ASAP1: variants seen among roughly 807,000 people sequenced by gnomAD.
ASAP1 encodes arf-GAP with SH3 domain, ANK repeat and PH domain-containing protein 1.
ASAP1 carries 43 observed loss-of-function variants against 145.2 expected under a neutral mutation model. The observed-to-expected ratio is 0.30, with a 90% CI of 0.23 to 0.38. ASAP1 has a LOEUF of 0.38. Among genes scored for constraint, ASAP1 ranks in the 10% least tolerant of loss-of-function variants. The pLI, the probability that ASAP1 is intolerant of heterozygous loss-of-function variation, is 1.00. For synonymous variants in ASAP1, 546 were observed against 515.5 expected (o/e 1.06, Z -0.80); for missense variants, 1,018 against 1,355.3 (o/e 0.75, Z 3.91).
At chr8:130,066,868 T>G (rs1457975273) in intron 27 of ASAP1, among the ~76,000 whole-genome samples, 2 of 152,148 alleles carry the variant, frequency 1.3e-5, no homozygotes, top group Non-Finnish European at 2.9e-5. Flanking sequence ...TCAGCCTCTA[T>G]TTGTATTAAA....
At chr8:130,250,841 T>C (rs1455526105) in intron 3 of ASAP1, among the ~76,000 whole-genome samples, 1 of 152,150 alleles carries the variant, frequency 6.6e-6, no homozygotes, top group Non-Finnish European at 1.5e-5. Flanking sequence ...TGCTGGAAAG[T>C]ATTCTGGAGA....
chr8:130,283,587 G>GAAAAAAAAAAAAAAAAAAAAAAAAAAAAA (rs71304303), intron 3 of ASAP1, among the ~76,000 whole-genome samples: 1 of 20,852 alleles, frequency 4.8e-5, no homozygotes, highest in African/African-American at 1.7e-4. Flanking sequence ...ATCACAGAAA[G>GAAAAAAAAAAAAAAAAAAAAAAAAAAAAA]AAAAAAAAAA....
intron 1 of ASAP1, among the ~76,000 whole-genome samples, chr8:130,411,630 A>T (rs1304170680): frequency 6.6e-6 from 1 of 152,162 alleles, no homozygotes; most frequent in Non-Finnish European, 1.5e-5. Context: ...TGATACTTTT[A>T]ACAGAGTGTT....
At chr8:130,091,794 T>C (rs928495661) in intron 25 of ASAP1, among the ~76,000 whole-genome samples, 179 bp downstream of exon 25, 3 of 152,188 alleles carry the variant, frequency 2.0e-5, no homozygotes, top group Non-Finnish European at 4.4e-5. Context: ...TAAATATTTT[T>C]CAAAATGTTC....
chr8:130,389,357 C>A (rs1026117788), intron 2 of ASAP1, among the ~76,000 whole-genome samples: 5 of 151,442 alleles, frequency 3.3e-5, no homozygotes, highest in African/African-American at 1.2e-4. Flanking sequence ...TGGTTAAAGT[C>A]CAGGACAAGG....
At chr8:130,257,792 C>CG (rs912860570) in intron 3 of ASAP1, among the ~76,000 whole-genome samples, 11 of 144,356 alleles carry the variant, frequency 7.6e-5, no homozygotes, top group Non-Finnish European at 1.4e-4. Flanking sequence ...GAGCACCCCC[C>CG]CCCCATTATT....
At chr8:130,217,587 G>A (rs1469285) in intron 4 of ASAP1, among the ~76,000 whole-genome samples, 1 of 143,570 alleles carries the variant, frequency 7.0e-6, no homozygotes, top group Non-Finnish European at 1.6e-5. Context: ...CAGACCGCAA[G>A]AGGCAGGGAT....
chr8:130,095,226 C>T (rs970958241), intron 24 of ASAP1, among the ~76,000 whole-genome samples: 1 of 150,562 alleles, frequency 6.6e-6, no homozygotes, highest in African/African-American at 2.4e-5. Context: ...TCTCTGGTTT[C>T]GTGTAGAGTA....
intron 1 of ASAP1, among the ~76,000 whole-genome samples, chr8:130,407,994 G>A (rs1416378402): frequency 6.6e-6 from 1 of 152,060 alleles, no homozygotes; most frequent in East Asian, 1.9e-4. Flanking sequence ...AGAAAATCAG[G>A]GACCTAAAGA....
chr8:130,276,327 T>C (rs1820879957), intron 3 of ASAP1, among the ~76,000 whole-genome samples: 1 of 152,232 alleles, frequency 6.6e-6, no homozygotes, highest in Admixed American at 6.5e-5. Flanking sequence ...TGACAAAAGC[T>C]ACATTAGTCT....
intron 5 of ASAP1, among the ~76,000 whole-genome samples, chr8:130,197,130 A>G (rs1050929487): frequency 2.0e-5 from 3 of 152,214 alleles, no homozygotes; most frequent in Non-Finnish European, 4.4e-5. Context: ...GTGGATCGAG[A>G]CAGAACTGAC....
intron 3 of ASAP1, among the ~76,000 whole-genome samples, chr8:130,244,363 C>T (rs1367410401): frequency 6.6e-6 from 1 of 152,160 alleles, no homozygotes; most frequent in Non-Finnish European, 1.5e-5. Flanking sequence ...GTCCCGGAAT[C>T]TCCTGATTAC....
chr8:130,342,542 T>C (rs576509236), intron 3 of ASAP1, among the ~76,000 whole-genome samples: 1 of 152,160 alleles, frequency 6.6e-6, no homozygotes, highest in South Asian at 2.1e-4. Flanking sequence ...AGGCCCAATA[T>C]ACCCAGAAGC....
intron 24 of ASAP1, among the ~76,000 whole-genome samples, chr8:130,093,770 T>C (rs2097511151): frequency 6.9e-6 from 1 of 145,668 alleles, no homozygotes; most frequent in Admixed American, 7.0e-5. Context: ...CCAAAAGAGC[T>C]TTATACACTC....
Position 130,122,253 on chromosome 8 carries a change from C to T in ASAP1, c.1607+1760G>A, listed in dbSNP as rs190555102. On this transcript the variant is annotated intron_variant, in intron 18 of 29. Coordinates refer to ENST00000518721, the MANE Select transcript of ASAP1 (RefSeq NM_018482.4). Reference sequence around the variant, plus strand: ...TTAATTCCCTGTGTTTTCATCTCCTCAGAATGTAAGCAGGACAGAAACTCT... The same window carrying T: ...TTAATTCCCTGTGTTTTCATCTCCTTAGAATGTAAGCAGGACAGAAACTCT... Among the ~76,000 whole-genome samples the T allele has an allele frequency of 9.2e-5, 14 of 152,314 alleles. No individual in the cohort carries two copies. In the East Asian group the frequency reaches 1.5e-3, roughly 17 times the overall value.
chr8:130,253,567 A>G (rs1244539140), intron 3 of ASAP1, among the ~76,000 whole-genome samples: 1 of 152,196 alleles, frequency 6.6e-6, no homozygotes, highest in Non-Finnish European at 1.5e-5. Context: ...GATCTCCTAG[A>G]AGACAGCACA....
At chr8:130,131,104 C>T (rs1489096058) in intron 15 of ASAP1, among the ~76,000 whole-genome samples, 1 of 152,006 alleles carries the variant, frequency 6.6e-6, no homozygotes, top group African/African-American at 2.4e-5. Context: ...TTGCAGTGAG[C>T]CGAGATCGCG....
intron 5 of ASAP1, among the ~76,000 whole-genome samples, chr8:130,206,660 G>T (rs1196787723): frequency 6.6e-6 from 1 of 152,170 alleles, no homozygotes; most frequent in Non-Finnish European, 1.5e-5. Flanking sequence ...CAGATGCATG[G>T]TGAGTCCTGG....
chr8:130,100,368 T>C (rs189063526), intron 24 of ASAP1, among the ~76,000 whole-genome samples: 2 of 152,152 alleles, frequency 1.3e-5, no homozygotes, highest in Admixed American at 6.5e-5. Flanking sequence ...TCACTCTTGT[T>C]GCCCAGGCTG....
Sources: gnomAD v4.1 joint callset for allele counts (sites outside exome capture counted in the v4.1 genomes callset) on GRCh38, gnomAD v4.1.1 for gene constraint, MANE v1.5 for transcripts, NCBI Gene and HGNC (gene_info 2026-07-23, HGNC 2026-07-21) for gene names.